The following CLIC4 variants were observed in gnomAD, a reference collection of about 807,000 sequenced individuals.
The protein encoded by CLIC4 is CLIC family member 4, also known as chloride intracellular channel protein 4.
Under a neutral mutation model 24.6 loss-of-function variants are expected in CLIC4, and 13 were observed. That is an observed-to-expected ratio of 0.53 (90% CI 0.34 to 0.84). The LOEUF (loss-of-function observed/expected upper bound fraction) is 0.84, where lower values mean the gene tolerates loss of function less well. Among genes scored for constraint, CLIC4 ranks in the 40% least tolerant of loss-of-function variants. CLIC4 has a pLI of 0.01. For missense variants in CLIC4, 227 were observed against 301.7 expected (o/e 0.75, Z 1.83); for synonymous variants, 104 against 111.3 (o/e 0.93, Z 0.41).
At chr1:24,822,044 T>C (rs2124161778) in intron 3 of CLIC4, among the ~76,000 whole-genome samples, 1 of 152,340 alleles carries the variant, frequency 6.6e-6, no homozygotes, top group South Asian at 2.1e-4. Flanking sequence ...ATCCAAATAA[T>C]TTGTCCAAGG....
intron 1 of CLIC4, among the ~76,000 whole-genome samples, chr1:24,757,181 C>T (rs900412956): frequency 6.6e-6 from 1 of 152,122 alleles, no homozygotes; most frequent in Non-Finnish European, 1.5e-5. Flanking sequence ...AGATGTGAGC[C>T]ACCACGCCTG....
chr1:24,812,025 C>G (rs1231474671), intron 2 of CLIC4, among the ~76,000 whole-genome samples: 1 of 152,188 alleles, frequency 6.6e-6, no homozygotes, highest in Non-Finnish European at 1.5e-5. Flanking sequence ...TCCTAATCAA[C>G]AGGAGGAAGA....
At chr1:24,773,591 C>CTTTTTTTTTT (rs61367134) in intron 1 of CLIC4, among the ~76,000 whole-genome samples, 1 of 73,990 alleles carries the variant, frequency 1.4e-5, no homozygotes, top group Non-Finnish European at 2.6e-5. Flanking sequence ...TGAGATGCAC[C>CTTTTTTTTTT]TTTTTTTTTT....
intron 3 of CLIC4, among the ~76,000 whole-genome samples, chr1:24,818,113 T>C (rs966149909): frequency 2.6e-5 from 4 of 152,200 alleles, no homozygotes; most frequent in African/African-American, 7.2e-5. Context: ...GACAGAGACA[T>C]GAAGTGAGCA....
rs1029926497 is a variant in CLIC4, at chr1:24,797,837, T to C, written c.168T>C (p.Thr56=). The stretch of plus-strand genomic sequence containing the variant: ...AAGGAGTTGTATTTAGTGTGACGAC[T>C]GTTGACCTGAAAAGGTAAGACATGG... ...WLKGVVFSVT[T]VDLKRKPADL... The change falls in exon 2 of 6, where the codon ACT becomes ACC. Residue 56 remains threonine (T), a synonymous_variant. Coordinates refer to ENST00000374379, the MANE Select transcript of CLIC4 (RefSeq NM_013943.3). 9 of 1,611,152 alleles carry C rather than the reference T, an allele frequency of 5.6e-6. No individual in the cohort carries two copies. In the African/African-American group the frequency reaches 1.1e-4, roughly 19 times the overall value.
At chr1:24,770,535 T>TCTC (rs1639058571) in intron 1 of CLIC4, among the ~76,000 whole-genome samples, 2 of 152,206 alleles carry the variant, frequency 1.3e-5, no homozygotes, top group Non-Finnish European at 2.9e-5. Flanking sequence ...AGTCTTATAG[T>TCTC]CTGCCTGCCT....
chr1:24,821,666 C>T (rs1309810025), intron 3 of CLIC4, among the ~76,000 whole-genome samples: 1 of 152,144 alleles, frequency 6.6e-6, no homozygotes, highest in African/African-American at 2.4e-5. Context: ...ATCCTCCTGC[C>T]TCAGCCTCTT....
At chr1:24,812,746 G>T (rs1372526254) in intron 2 of CLIC4, among the ~76,000 whole-genome samples, 1 of 152,002 alleles carries the variant, frequency 6.6e-6, no homozygotes, top group Non-Finnish European at 1.5e-5. Context: ...TTGAGACAGA[G>T]TATTGCTCTG....
At chr1:24,818,071 G>A (rs943002707) in intron 3 of CLIC4, among the ~76,000 whole-genome samples, 19 of 152,272 alleles carry the variant, frequency 1.2e-4, no homozygotes, top group African/African-American at 4.3e-4. Flanking sequence ...ATAATGAAAA[G>A]TTTTGAAATA....
intron 1 of CLIC4, among the ~76,000 whole-genome samples, chr1:24,756,254 C>T (rs187184879): frequency 2.9e-4 from 44 of 152,322 alleles, no homozygotes; most frequent in African/African-American, 1.0e-3. Flanking sequence ...CCGCCTCGGC[C>T]TCCCAAAGTG....
chr1:24,750,780 A>G (rs1261591125), intron 1 of CLIC4, among the ~76,000 whole-genome samples: 1 of 152,162 alleles, frequency 6.6e-6, no homozygotes, highest in East Asian at 1.9e-4. Context: ...GAACAGTCCT[A>G]TGGGATAAAT....
intron 3 of CLIC4, among the ~76,000 whole-genome samples, chr1:24,816,443 AT>A (rs1207669144): frequency 6.6e-6 from 1 of 151,780 alleles, no homozygotes; most frequent in Non-Finnish European, 1.5e-5. Flanking sequence ...GGGTTTTGCC[AT>A]TTTGGCCAGG....
At chr1:24,771,030 C>A (rs754519586) in intron 1 of CLIC4, among the ~76,000 whole-genome samples, 1 of 152,150 alleles carries the variant, frequency 6.6e-6, no homozygotes, top group African/African-American at 2.4e-5. Flanking sequence ...AGCATTCTTA[C>A]AATAATTATT....
At chr1:24,811,396 A>G (rs1639613291) in intron 2 of CLIC4, among the ~76,000 whole-genome samples, 1 of 152,146 alleles carries the variant, frequency 6.6e-6, no homozygotes, top group Non-Finnish European at 1.5e-5. Context: ...GTTCTGACCT[A>G]ATGGATCACC....
At chr1:24,799,286 G>C (rs1361006600) in intron 2 of CLIC4, among the ~76,000 whole-genome samples, 1 of 149,842 alleles carries the variant, frequency 6.7e-6, no homozygotes, top group Non-Finnish European at 1.5e-5. Flanking sequence ...TGTGGGGAGC[G>C]CCTCTGCCCC....
chr1:24,757,413 A>G (rs992264653), intron 1 of CLIC4, among the ~76,000 whole-genome samples: 1 of 152,190 alleles, frequency 6.6e-6, no homozygotes, highest in African/African-American at 2.4e-5. Flanking sequence ...AGTAGAGAAC[A>G]GGTGGTGGAT....
At chr1:24,747,029 C>T (rs1055733926) in intron 1 of CLIC4, among the ~76,000 whole-genome samples, 3 of 151,210 alleles carry the variant, frequency 2.0e-5, no homozygotes, top group Admixed American at 6.6e-5. Context: ...GCATTTACCT[C>T]TGCAGTCTTC....
At chr1:24,752,938 G>GC (rs1638794923) in intron 1 of CLIC4, among the ~76,000 whole-genome samples, 1 of 152,148 alleles carries the variant, frequency 6.6e-6, no homozygotes, top group Non-Finnish European at 1.5e-5. Flanking sequence ...GGTCAGGATG[G>GC]TCTCGATCTC....
chr1:24,779,334 G>A (rs1038930452), intron 1 of CLIC4, among the ~76,000 whole-genome samples: 16 of 152,228 alleles, frequency 1.1e-4, no homozygotes, highest in Admixed American at 2.6e-4. Flanking sequence ...GCCAGGCATG[G>A]TGGTACGTGC....
Sources: allele counts gnomAD v4.1 joint callset (sites outside exome capture counted in the v4.1 genomes callset), GRCh38; gene constraint gnomAD v4.1.1; transcripts MANE v1.5; gene names NCBI Gene and HGNC (gene_info 2026-07-23, HGNC 2026-07-21).